The following RBM27 variants were observed in gnomAD, a reference collection of about 807,000 sequenced individuals.
RBM27 encodes RNA-binding protein 27.
Under a neutral mutation model 135.3 loss-of-function variants are expected in RBM27, and 22 were observed. That is an observed-to-expected ratio of 0.16 (90% CI 0.12 to 0.23). The LOEUF (loss-of-function observed/expected upper bound fraction) is 0.23, where lower values mean the gene tolerates loss of function less well. RBM27 is among the 10% of genes least tolerant of loss of function. The pLI, the probability that RBM27 is intolerant of heterozygous loss-of-function variation, is 1.00. For missense variants in RBM27, 1,009 were observed against 1,281.0 expected, an observed-to-expected ratio of 0.79 and a Z score of 3.24; for synonymous variants, 481 against 442.4, an observed-to-expected ratio of 1.09 and a Z score of -1.10.
In RBM27 at chr5:146,258,572, C is replaced by A; in HGVS notation, c.1718C>A (p.Thr573Lys). The A allele has an allele frequency of 6.4e-7, 1 of 1,573,134 alleles. No individual in the cohort carries two copies. The highest frequency in any genetic ancestry group is 8.6e-7 in the Non-Finnish European group (1 of 1,161,558). ...RAMSGLEGPLTKKPWLGKQGN... is the reference protein window; with the variant it reads ...RAMSGLEGPLKKKPWLGKQGN... ...ATGAGTGGTTTGGAAGGGCCACTCA[C>A]AAAGAAACCTTGGCTGGGAAAGTAA... Residue 573 changes from threonine to lysine, a missense_variant, in exon 11 of 21, where the codon ACA becomes AAA. Around this residue, in one of 6 missense-constraint regions of RBM27, gnomAD observed 329 missense variants for 368.1 expected, o/e 0.89. Transcript: ENST00000265271.
At chr5:146,258,935 A>G (rs1263909271) in intron 11 of RBM27, among the ~76,000 whole-genome samples, 1 of 151,852 alleles carries the variant, frequency 6.6e-6, no homozygotes, top group Non-Finnish European at 1.5e-5. Context: ...ATTTTCTTGT[A>G]TTTTTAGCGG....
At chr5:146,274,532 G>A (rs1380352396) in intron 19 of RBM27, among the ~76,000 whole-genome samples, 1 of 152,154 alleles carries the variant, frequency 6.6e-6, no homozygotes, top group Non-Finnish European at 1.5e-5. Flanking sequence ...GCCTCCCAAA[G>A]TGCTGGGATT....
At chr5:146,238,072 T>A (rs1168049285) in intron 8 of RBM27, among the ~76,000 whole-genome samples, 2 of 152,218 alleles carry the variant, frequency 1.3e-5, no homozygotes, top group Admixed American at 1.3e-4. Flanking sequence ...AAGCATAAGA[T>A]GTATCTCCTA....
At chr5:146,264,824 A>G (rs981588018) in intron 14 of RBM27, among the ~76,000 whole-genome samples, 1 of 152,198 alleles carries the variant, frequency 6.6e-6, no homozygotes, top group Non-Finnish European at 1.5e-5. Context: ...TTATTATATA[A>G]TAACAAAGTG....
chr5:146,203,922 G>T, intron 1 of RBM27, 98 bp downstream of exon 1: 1 of 1,186,132 alleles, frequency 8.4e-7, no homozygotes, highest in East Asian at 2.7e-5. Flanking sequence ...GGCGCTGAGG[G>T]GCCGCGGCCG....
intron 1 of RBM27, among the ~76,000 whole-genome samples, chr5:146,212,064 C>T (rs1025851694): frequency 4.6e-5 from 7 of 151,212 alleles, no homozygotes; most frequent in African/African-American, 1.2e-4. Context: ...TTATTGTTCC[C>T]GCCACCCCCG....
chr5:146,286,165 A>G lies in RBM27; in HGVS notation c.*135A>G. 1 of 646,286 alleles carries G rather than the reference A, an allele frequency of 1.5e-6. No homozygotes were observed. Among genetic ancestry groups the G allele is most frequent in the Non-Finnish European group, 2.6e-6 (1 of 386,740 alleles). The allele number at this position is 646,286 out of a possible 1,614,324, so 40.0% of individuals were successfully genotyped here. ...CAACACAGTAGGTTCAAGAACAGCA[A>G]GTTTGCTATTTAAACACATCTCATA... is the stretch of plus-strand genomic sequence containing the variant. On this transcript the variant is annotated 3_prime_UTR_variant, in exon 21 of 21. Coordinates refer to ENST00000265271, the MANE Select transcript of RBM27 (RefSeq NM_018989.2).
intron 19 of RBM27, among the ~76,000 whole-genome samples, chr5:146,274,608 T>C (rs527313529): frequency 1.3e-5 from 2 of 152,316 alleles, no homozygotes; most frequent in African/African-American, 4.8e-5. Context: ...TTTCTTCACA[T>C]TCACTTTTGG....
intron 12 of RBM27, 137 bp from the exon 13 acceptor site, chr5:146,261,373 T>A (rs1341364525): frequency 2.7e-6 from 2 of 734,836 alleles, no homozygotes; most frequent in South Asian, 1.9e-5. Context: ...AAAAGCTCTA[T>A]CTCTAAAACA....
At chr5:146,277,920 A>G (rs1759162824) in intron 19 of RBM27, among the ~76,000 whole-genome samples, 1 of 152,140 alleles carries the variant, frequency 6.6e-6, no homozygotes, top group South Asian at 2.1e-4. Context: ...AGTAAGTGCT[A>G]CTTAGTCAGT....
At chr5:146,222,870 G>A (rs1326847345) in intron 2 of RBM27, among the ~76,000 whole-genome samples, 2 of 151,724 alleles carry the variant, frequency 1.3e-5, no homozygotes, top group Non-Finnish European at 1.5e-5. Context: ...AAAAATTTTC[G>A]GTTAAGTTTT....
At chr5:146,228,767 G>A (rs1345723338) in intron 3 of RBM27, among the ~76,000 whole-genome samples, 179 bp from the exon 4 acceptor site, 9 of 151,948 alleles carry the variant, frequency 5.9e-5, no homozygotes, top group African/African-American at 2.2e-4. Context: ...ACCATGCCCA[G>A]CTAACTTATT....
chr5:146,226,240 A>G (rs1367635157), intron 3 of RBM27, among the ~76,000 whole-genome samples: 13 of 151,866 alleles, frequency 8.6e-5, no homozygotes, highest in Admixed American at 3.9e-4. Context: ...TTTTTGGTCT[A>G]TGGTATAGAT....
chr5:146,278,027 A>G (rs1315886449), intron 19 of RBM27, among the ~76,000 whole-genome samples: 1 of 152,210 alleles, frequency 6.6e-6, no homozygotes, highest in African/African-American at 2.4e-5. Flanking sequence ...AAAGGCATGC[A>G]TTGAAATTTT....
intron 8 of RBM27, among the ~76,000 whole-genome samples, chr5:146,237,813 A>C (rs1366373897): frequency 6.6e-6 from 1 of 152,068 alleles, no homozygotes; most frequent in Non-Finnish European, 1.5e-5. Flanking sequence ...TCAGCCTCCC[A>C]AGTAGCTGGG....
intron 8 of RBM27, among the ~76,000 whole-genome samples, chr5:146,244,264 G>A (rs1250322049): frequency 1.3e-5 from 2 of 152,158 alleles, no homozygotes; most frequent in South Asian, 2.1e-4. Context: ...AAAGGCCAAG[G>A]TTGGGAGGAT....
chr5:146,239,005 A>G (rs1757288555), intron 8 of RBM27, among the ~76,000 whole-genome samples: 1 of 152,198 alleles, frequency 6.6e-6, no homozygotes, highest in African/African-American at 2.4e-5. Context: ...ATTCATTATT[A>G]TATTATTGTA....
rs149890836 is a variant in RBM27 at position 146,269,831 on chromosome 5, C to T, written c.2691+247C>T. Among the ~76,000 whole-genome samples the T allele has an allele frequency of 4.6e-3, 698 of 151,122 alleles. 3 individuals carry two copies. The highest frequency in any genetic ancestry group is 0.017 in the Middle Eastern group (5 of 292). ...AATGCAGTCCTCCCACCTTGGCCTC[C>T]CAGAGTGCTGGGATTACAGGTGTGA... On this transcript the variant is annotated intron_variant, in intron 17 of 20. Coordinates refer to ENST00000265271, the MANE Select transcript of RBM27 (RefSeq NM_018989.2).
At chr5:146,237,574 T>C (rs1161280015) in intron 8 of RBM27, 142 bp downstream of exon 8, 9 of 1,006,332 alleles carry the variant, frequency 8.9e-6, no homozygotes, top group African/African-American at 1.6e-5. Context: ...CAATACAGTT[T>C]ATCGTGTGTT....
Sources: gnomAD v4.1 joint callset for allele counts (sites outside exome capture counted in the v4.1 genomes callset) on GRCh38, gnomAD v4.1.1 for gene constraint, gnomAD v4.1.1 regional missense constraint, MANE v1.5 for transcripts, NCBI Gene and HGNC (gene_info 2026-07-23, HGNC 2026-07-21) for gene names.